SLC5A8: variants seen among roughly 807,000 people sequenced by gnomAD.
SLC5A8 encodes sodium-coupled monocarboxylate transporter 1.
SLC5A8 carries 55 observed loss-of-function variants against 71.9 expected under a neutral mutation model. The ratio of observed to expected loss-of-function variants is 0.77; its 90% CI spans 0.62 to 0.96. The LOEUF (loss-of-function observed/expected upper bound fraction) is 0.96, where lower values mean the gene tolerates loss of function less well. SLC5A8 is among the 40% of genes least tolerant of loss of function. SLC5A8 has a pLI of 0.00. For synonymous variants in SLC5A8, 307 were observed against 276.1 expected (o/e 1.11, Z -1.11); for missense variants, 701 against 745.3 (o/e 0.94, Z 0.69).
At chr12:101,207,795 GAT>G (rs1339191149) in intron 1 of SLC5A8, among the ~76,000 whole-genome samples, 1 of 152,088 alleles carries the variant, frequency 6.6e-6, no homozygotes, top group African/African-American at 2.4e-5. Flanking sequence ...CACCCACTAA[GAT>G]ATATGTTTTC....
In SLC5A8 at chr12:101,168,178, G is replaced by C; in HGVS notation, c.1238C>G (p.Ala413Gly). 6.3e-7 allele frequency: 1 copy of C among 1,598,742 alleles called. No homozygotes were observed. Among genetic ancestry groups the C allele is most frequent in the Non-Finnish European group, 8.5e-7 (1 of 1,173,686 alleles). ...ASLMGALLQAALSVFGMVGGP... is the reference protein window; with the variant it reads ...ASLMGALLQAGLSVFGMVGGP... ...ACCAACCATACCAAATACGCTGAGT[G>C]CTGCCTACAAAAATAATACAACGTC... The change falls in exon 11 of 15, where the codon GCA (alanine) becomes GGA (glycine). Residue 413 changes from alanine (A) to glycine (G), a missense_variant. By Grantham distance (60) the Ala-to-Gly change is moderately conservative (BLOSUM62 0). Transcript: ENST00000536262.
At chr12:101,201,232 C>T (rs891900802) in intron 3 of SLC5A8, among the ~76,000 whole-genome samples, 1 of 152,104 alleles carries the variant, frequency 6.6e-6, no homozygotes, top group African/African-American at 2.4e-5. Context: ...TTGGTAATAC[C>T]GATGTGGAAC....
chr12:101,196,490 AT>A (rs1301070302), intron 3 of SLC5A8, among the ~76,000 whole-genome samples: 2 of 152,186 alleles, frequency 1.3e-5, no homozygotes, highest in Admixed American at 6.5e-5. Flanking sequence ...CTTTAAACAT[AT>A]TTTGATGTAT....
At chr12:101,182,522 C>A (rs909838419) in intron 9 of SLC5A8, among the ~76,000 whole-genome samples, 23 of 152,218 alleles carry the variant, frequency 1.5e-4, no homozygotes, top group African/African-American at 4.8e-4. Context: ...GATGAAGGCA[C>A]AGGAAAAAAG....
At chr12:101,157,948 G>A (rs996169953) in intron 14 of SLC5A8, among the ~76,000 whole-genome samples, 1 of 151,928 alleles carries the variant, frequency 6.6e-6, no homozygotes, top group Non-Finnish European at 1.5e-5. Flanking sequence ...GTTATCAGAG[G>A]ATAGAGAGAT....
Position 101,209,764 on chromosome 12 carries a change from C to T in SLC5A8, c.85G>A (p.Gly29Ser), listed in dbSNP as rs1021690854. 1.9e-6 allele frequency: 3 copies of T among 1,611,054 alleles called. No individual in the cohort carries two copies. Among genetic ancestry groups the T allele is most frequent in the Admixed American group, 1.7e-5 (1 of 59,950 alleles). ...AGMLVISAAI[G>S]IYYAFAGGGQ... ...CCCCCAGCGAAGGCGTAGTAGATGCCGATGGCGGCCGAGATGACCAGCATG... is the reference window on the plus strand; with the variant it reads ...CCCCCAGCGAAGGCGTAGTAGATGCTGATGGCGGCCGAGATGACCAGCATG... The change falls in exon 1 of 15, where the codon GGC becomes AGC. Residue 29 changes from glycine to serine, a missense_variant. Physicochemically the swap from Gly to Ser is moderately conservative, Grantham distance 56. Coordinates refer to ENST00000536262, the MANE Select transcript of SLC5A8 (RefSeq NM_145913.5).
intron 6 of SLC5A8, among the ~76,000 whole-genome samples, chr12:101,188,683 T>C (rs1250888747): frequency 6.6e-6 from 1 of 152,212 alleles, no homozygotes; most frequent in Non-Finnish European, 1.5e-5. Context: ...AACTCTTCCA[T>C]GCTAACCTCA....
intron 7 of SLC5A8, among the ~76,000 whole-genome samples, chr12:101,185,953 T>G (rs1012593247): frequency 1.3e-5 from 2 of 152,168 alleles, no homozygotes; most frequent in African/African-American, 4.8e-5. Context: ...TTGAATTAAC[T>G]TGTTAACTAA....
chr12:101,189,493 C>T (rs748349549), intron 6 of SLC5A8, among the ~76,000 whole-genome samples: 5 of 152,112 alleles, frequency 3.3e-5, no homozygotes, highest in Non-Finnish European at 7.4e-5. Context: ...CCACCCTGGA[C>T]TCTTATTCAA....
At chr12:101,200,055 G>GAAAAAAAAAAAAAAAAAAAAA (rs1869386065) in intron 3 of SLC5A8, among the ~76,000 whole-genome samples, 1 of 27,482 alleles carries the variant, frequency 3.6e-5, no homozygotes, top group Non-Finnish European at 6.6e-5. Context: ...AAAAAAAAAA[G>GAAAAAAAAAAAAAAAAAAAAA]GGAATGAACT....
chr12:101,183,707 C>T (rs953859532), intron 8 of SLC5A8, among the ~76,000 whole-genome samples: 5 of 152,146 alleles, frequency 3.3e-5, no homozygotes, highest in African/African-American at 1.2e-4. Flanking sequence ...AATGATAGAT[C>T]ACAAAATGTA....
At chr12:101,173,145 C>T (rs2051846461) in intron 10 of SLC5A8, among the ~76,000 whole-genome samples, 1 of 152,208 alleles carries the variant, frequency 6.6e-6, no homozygotes, top group South Asian at 2.1e-4. Context: ...TCAACAGGGT[C>T]TTGAAATAAG....
chr12:101,158,598 C>CTCTCTCTCTCTCTA (rs1411795424), intron 13 of SLC5A8, among the ~76,000 whole-genome samples: 9 of 21,242 alleles, frequency 4.2e-4, no homozygotes, highest in Non-Finnish European at 7.0e-4. Context: ...CTCTCTCTCT[C>CTCTCTCTCTCTCTA]TATATATATA....
chr12:101,175,120 A>G lies in SLC5A8; in HGVS notation c.1233+4909T>C, dbSNP rs145848242. 6.5e-3 allele frequency among the ~76,000 whole-genome samples: 993 copies of G among 152,230 alleles called. 5 individuals are homozygous for G. The highest frequency in any genetic ancestry group is 0.012 in the Non-Finnish European group (824 of 68,006). On this transcript the variant is annotated intron_variant, in intron 10 of 14. Coordinates refer to ENST00000536262, the MANE Select transcript of SLC5A8 (RefSeq NM_145913.5). The stretch of plus-strand genomic sequence containing the variant: ...CAGGGAAAAAAAGAAGATATTAGGA[A>G]GAACCAAATGAAACTGTTACTCTGA...
chr12:101,170,057 G>A (rs762615687), intron 10 of SLC5A8, among the ~76,000 whole-genome samples: 8 of 152,194 alleles, frequency 5.3e-5, no homozygotes, highest in Non-Finnish European at 8.8e-5. Context: ...GGCAGTGGAC[G>A]AGGTAGAGAG....
chr12:101,199,055 A>G (rs1593382829), intron 3 of SLC5A8, among the ~76,000 whole-genome samples: 3 of 151,972 alleles, frequency 2.0e-5, no homozygotes, highest in Admixed American at 2.0e-4. Context: ...AAATTCAGCA[A>G]GTTCTCAGGA....
intron 10 of SLC5A8, among the ~76,000 whole-genome samples, chr12:101,173,522 C>T (rs528052946): frequency 9.2e-5 from 14 of 152,318 alleles, no homozygotes; most frequent in African/African-American, 2.2e-4. Flanking sequence ...CAGAATGACA[C>T]GACTCTGAGG....
intron 10 of SLC5A8, among the ~76,000 whole-genome samples, chr12:101,172,973 C>T (rs567595133): frequency 7.2e-5 from 11 of 152,218 alleles, no homozygotes; most frequent in South Asian, 6.2e-4. Flanking sequence ...CATGCCTAAG[C>T]GCCACAGTGG....
chr12:101,156,455 T>C lies in SLC5A8; in HGVS notation c.*824A>G, dbSNP rs2051662890. ...AGGATTTGGGGTGGCATGATTCACA[T>C]GAGTGTCTTGAGACATATCCAAGCC... On this transcript the variant is annotated 3_prime_UTR_variant, in exon 15 of 15. Coordinates refer to ENST00000536262, the MANE Select transcript of SLC5A8 (RefSeq NM_145913.5). 1 of 152,202 alleles carries C rather than the reference T, an allele frequency of 6.6e-6. No individual in the cohort carries two copies. Among genetic ancestry groups the C allele is most frequent in the South Asian group, 2.1e-4 (1 of 4,832 alleles). The allele number at this position is 152,202 out of a possible 1,614,324, so 9.4% of individuals were successfully genotyped here.
Sources: allele counts gnomAD v4.1 joint callset (sites outside exome capture counted in the v4.1 genomes callset), GRCh38; gene constraint gnomAD v4.1.1; transcripts MANE v1.5; gene names NCBI Gene and HGNC (gene_info 2026-07-23, HGNC 2026-07-21).